The following HEMK2 variants were observed in gnomAD, a reference collection of about 807,000 sequenced individuals.
The protein encoded by HEMK2 is methyltransferase HEMK2.
the HEMK2 span, chr21:28,882,886 A>G: frequency 1.3e-6 from 1 of 767,078 alleles, no homozygotes; most frequent in Non-Finnish European, 1.9e-6. Context: ...GCTATGCTTA[A>G]ATACTATAAG....
At chr21:28,786,597 G>A in the HEMK2 span, among the ~76,000 whole-genome samples, 2 of 151,610 alleles carry the variant, frequency 1.3e-5, no homozygotes, top group Non-Finnish European at 2.9e-5. Context: ...CTTAAACCCA[G>A]GAGACAGAGG....
chr21:28,630,938 A>C, the HEMK2 span, among the ~76,000 whole-genome samples: 1 of 152,058 alleles, frequency 6.6e-6, no homozygotes, highest in African/African-American at 2.4e-5. Context: ...ATAATAATAA[A>C]ATTTTAAAAA....
the HEMK2 span, among the ~76,000 whole-genome samples, chr21:28,583,654 C>T: frequency 6.6e-6 from 1 of 152,162 alleles, no homozygotes; most frequent in Non-Finnish European, 1.5e-5. Context: ...GAGAACATGT[C>T]TATCTTTGTA....
the HEMK2 span, among the ~76,000 whole-genome samples, chr21:28,643,451 G>A: frequency 7.0e-6 from 1 of 143,672 alleles, no homozygotes; most frequent in East Asian, 2.3e-4. Context: ...ACTGAGGGGG[G>A]AGGATTGTTT....
the HEMK2 span, among the ~76,000 whole-genome samples, chr21:28,611,904 A>G: frequency 1.5e-5 from 2 of 132,174 alleles, no homozygotes; most frequent in African/African-American, 5.7e-5. Flanking sequence ...AGAGAGAGAC[A>G]CCATCTCAAA....
chr21:28,727,732 A>G, the HEMK2 span, among the ~76,000 whole-genome samples: 1 of 152,224 alleles, frequency 6.6e-6, no homozygotes, highest in Non-Finnish European at 1.5e-5. Flanking sequence ...GGTAAATTTG[A>G]TGTTCAAATA....
At chr21:28,873,208 C>T in the HEMK2 span, 1 of 152,176 alleles carries the variant, frequency 6.6e-6, no homozygotes, top group Non-Finnish European at 1.5e-5. Flanking sequence ...CTTGATATCC[C>T]ATAACTTAAA....
At chr21:28,657,843 T>G in the HEMK2 span, among the ~76,000 whole-genome samples, 1 of 152,018 alleles carries the variant, frequency 6.6e-6, no homozygotes, top group Non-Finnish European at 1.5e-5. Flanking sequence ...GCTTCCTAGA[T>G]AGACTTGGAT....
the HEMK2 span, among the ~76,000 whole-genome samples, chr21:28,651,264 T>C: frequency 6.6e-6 from 1 of 152,202 alleles, no homozygotes; most frequent in Non-Finnish European, 1.5e-5. Context: ...CCAGACTCCA[T>C]GCAAATTATG....
At chr21:28,676,295 CCT>C in the HEMK2 span, among the ~76,000 whole-genome samples, 1 of 152,126 alleles carries the variant, frequency 6.6e-6, no homozygotes, top group African/African-American at 2.4e-5. Context: ...CATGGTAGTC[CCT>C]CTGTGTGTGT....
the HEMK2 span, among the ~76,000 whole-genome samples, chr21:28,603,558 TGTG>T: frequency 1.8e-3 from 217 of 121,436 alleles, 1 homozygote; most frequent in Non-Finnish European, 3.3e-3. Flanking sequence ...TATGTGTGTG[TGTG>T]TGTGTGTGTG....
At chr21:28,702,023 C>G in the HEMK2 span, among the ~76,000 whole-genome samples, 1 of 151,864 alleles carries the variant, frequency 6.6e-6, no homozygotes. Flanking sequence ...TGAGAAATAA[C>G]GCAGCACACC....
the HEMK2 span, among the ~76,000 whole-genome samples, chr21:28,712,634 A>G: frequency 6.6e-6 from 1 of 152,200 alleles, no homozygotes; most frequent in Non-Finnish European, 1.5e-5. Flanking sequence ...GCAATAGAGA[A>G]GCCATGAAGA....
At chr21:28,604,049 TG>T in the HEMK2 span, among the ~76,000 whole-genome samples, 8 of 152,224 alleles carry the variant, frequency 5.3e-5, no homozygotes, top group African/African-American at 1.9e-4. Context: ...ATTCTGTGGC[TG>T]GAAGATCTTG....
At chr21:28,861,394 T>C in the HEMK2 span, among the ~76,000 whole-genome samples, 8 of 152,248 alleles carry the variant, frequency 5.3e-5, no homozygotes, top group Non-Finnish European at 1.0e-4. Context: ...GGAAGCCTAC[T>C]GCATTCTTAA....
the HEMK2 span, among the ~76,000 whole-genome samples, chr21:28,744,767 T>C: frequency 6.6e-6 from 1 of 152,222 alleles, no homozygotes; most frequent in Admixed American, 6.5e-5. Context: ...TAGATAAACA[T>C]GGTTATAAAT....
At chr21:28,804,710 A>G in the HEMK2 span, among the ~76,000 whole-genome samples, 5 of 152,250 alleles carry the variant, frequency 3.3e-5, no homozygotes, top group African/African-American at 1.2e-4. Flanking sequence ...TCATAAACCA[A>G]AATCCTATCC....
At chr21:28,771,217 C>T in the HEMK2 span, among the ~76,000 whole-genome samples, 1 of 152,200 alleles carries the variant, frequency 6.6e-6, no homozygotes, top group Non-Finnish European at 1.5e-5. Flanking sequence ...CACCACTGTG[C>T]TCTGTGAACA....
At chr21:28,714,802 C>T in the HEMK2 span, among the ~76,000 whole-genome samples, 6,980 of 152,228 alleles carry the variant, frequency 0.046, 233 homozygotes, top group Middle Eastern at 0.14. Context: ...TCTCTCTCCC[C>T]TCTAGTAGTC....
Sources: gnomAD v4.1 joint callset for allele counts (sites outside exome capture counted in the v4.1 genomes callset) on GRCh38, gnomAD v4.1.1 for gene constraint, MANE v1.5 for transcripts, NCBI Gene and HGNC (gene_info 2026-07-23, HGNC 2026-07-21) for gene names.